GALNTL6: variants seen among roughly 807,000 people sequenced by gnomAD.
GALNTL6 encodes the protein polypeptide N-acetylgalactosaminyltransferase-like 6.
Under a neutral mutation model 73.7 loss-of-function variants are expected in GALNTL6, and 46 were observed. The observed-to-expected ratio is 0.62, with a 90% CI of 0.49 to 0.80. GALNTL6 has a LOEUF of 0.80. Ranked by LOEUF, GALNTL6 falls within the 30% of genes least tolerant of loss-of-function variation. The pLI is 0.00. For synonymous variants in GALNTL6, 259 were observed against 263.7 expected, an observed-to-expected ratio of 0.98 and a Z score of 0.17; for missense variants, 604 against 755.0, an observed-to-expected ratio of 0.80 and a Z score of 2.34.
At chr4:172,380,359 C>G in intron 5 of GALNTL6, 1 of 698,320 alleles carries the variant, frequency 1.4e-6, no homozygotes, top group Non-Finnish European at 2.7e-6. Flanking sequence ...AGTGGGAATC[C>G]CAGGGACTGG....
intron 2 of GALNTL6, among the ~76,000 whole-genome samples, chr4:172,081,507 G>C (rs780797115): frequency 6.6e-6 from 1 of 152,132 alleles, no homozygotes; most frequent in Non-Finnish European, 1.5e-5. Context: ...GCGTGGTAGC[G>C]CATGCCTGTA....
intron 2 of GALNTL6, among the ~76,000 whole-genome samples, chr4:171,988,822 G>C (rs1202838475): frequency 1.3e-5 from 2 of 152,082 alleles, no homozygotes; most frequent in Non-Finnish European, 2.9e-5. Context: ...AGGATGGTAA[G>C]GGGGGCATGA....
At chr4:172,764,477 T>C (rs1038757682) in intron 5 of GALNTL6, among the ~76,000 whole-genome samples, 2 of 151,918 alleles carry the variant, frequency 1.3e-5, no homozygotes, top group Non-Finnish European at 2.9e-5. Context: ...CAGTTATTTT[T>C]ATAATAAAAA....
intron 5 of GALNTL6, among the ~76,000 whole-genome samples, chr4:172,760,608 A>G (rs1258426477): frequency 6.6e-6 from 1 of 152,132 alleles, no homozygotes; most frequent in Non-Finnish European, 1.5e-5. Context: ...CAGAAATAAC[A>G]TGCCCTGGCC....
chr4:171,903,056 G>A (rs1457149419), intron 2 of GALNTL6, among the ~76,000 whole-genome samples: 1 of 152,138 alleles, frequency 6.6e-6, no homozygotes, highest in African/African-American at 2.4e-5. Flanking sequence ...TCAAATGGAA[G>A]CTCATATTCT....
In GALNTL6 at chr4:172,970,470, A is replaced by C. The variant is rs576116209; in HGVS notation, c.1371+18212A>C. Among the ~76,000 whole-genome samples, 20 of 152,266 alleles carry C rather than the reference A, an allele frequency of 1.3e-4. No individual in the cohort carries two copies. The South Asian group carries it at 3.9e-3, about 30-fold the overall frequency. The stretch of plus-strand genomic sequence containing the variant: ...AATGCAATTCTTTTCCTAGGGTCTT[A>C]ATATTTAATATTCCTTGCTAGGAGA... On this transcript the variant is annotated intron_variant, in intron 10 of 12. Coordinates refer to ENST00000506823, the MANE Select transcript of GALNTL6 (RefSeq NM_001034845.3).
At position 171,937,562 on chromosome 4, in the gene GALNTL6, C is replaced by T. The variant is rs1578988249; in HGVS notation, c.138+122844C>T. Among the ~76,000 whole-genome samples the T allele has an allele frequency of 2.0e-5, 3 of 152,170 alleles. No individual in the cohort carries two copies. The South Asian group carries it at 6.2e-4, about 32-fold the overall frequency. ...TGTTTCTAGGCCTTTATTCTGAAAA[C>T]TGGAGATTTCTGTGAAATCAAAAAT... On this transcript the variant is annotated intron_variant, in intron 2 of 12. Coordinates refer to ENST00000506823, the MANE Select transcript of GALNTL6 (RefSeq NM_001034845.3).
At chr4:172,012,033 TAA>T (rs1321868233) in intron 2 of GALNTL6, among the ~76,000 whole-genome samples, 2 of 152,010 alleles carry the variant, frequency 1.3e-5, no homozygotes, top group Non-Finnish European at 2.9e-5. Context: ...CAATAAAGAT[TAA>T]AAGAGTATGA....
chr4:172,329,410 G>C lies in GALNTL6; in HGVS notation c.386+17658G>C, dbSNP rs193015228. ...TTCCATAGGGCTGCTGCCATATGCT[G>C]GGTGTCCACTCTAGTCCCTAGTCAC... On this transcript the variant is annotated intron_variant, in intron 4 of 12. Coordinates refer to ENST00000506823, the MANE Select transcript of GALNTL6 (RefSeq NM_001034845.3). 7.9e-4 allele frequency among the ~76,000 whole-genome samples: 121 copies of C among 152,254 alleles called. 1 individual carries two copies. The South Asian group carries it at 0.015, about 19-fold the overall frequency.
chr4:172,713,222 A>ATGTGTGTGTGTGTGTGTG (rs61504713), intron 5 of GALNTL6, among the ~76,000 whole-genome samples: 3 of 139,238 alleles, frequency 2.2e-5, no homozygotes, highest in Admixed American at 7.4e-5. Context: ...AAAGAATAAG[A>ATGTGTGTGTGTGTGTGTG]TGTGTGTGTG....
At chr4:172,396,223 T>A (rs1743844365) in intron 5 of GALNTL6, among the ~76,000 whole-genome samples, 1 of 152,164 alleles carries the variant, frequency 6.6e-6, no homozygotes, top group Admixed American at 6.5e-5. Context: ...TTTAAAAGTG[T>A]CTGCCCTGAG....
chr4:172,754,061 G>T (rs987998551), intron 5 of GALNTL6, among the ~76,000 whole-genome samples: 1 of 152,130 alleles, frequency 6.6e-6, no homozygotes, highest in Non-Finnish European at 1.5e-5. Flanking sequence ...TTTACATAAG[G>T]ATTTAAATTT....
chr4:172,055,594 C>G (rs1406961622), intron 2 of GALNTL6, among the ~76,000 whole-genome samples: 2 of 152,020 alleles, frequency 1.3e-5, no homozygotes, highest in Non-Finnish European at 2.9e-5. Context: ...GGGTAGAAGT[C>G]CAGAGCAAAT....
chr4:173,025,507 C>G (rs1753195122), intron 12 of GALNTL6, among the ~76,000 whole-genome samples: 1 of 152,174 alleles, frequency 6.6e-6, no homozygotes, highest in African/African-American at 2.4e-5. Flanking sequence ...CTGGTTCAGT[C>G]TTCACATCTT....
At chr4:171,897,909 A>G (rs1369494393) in intron 2 of GALNTL6, among the ~76,000 whole-genome samples, 1 of 151,330 alleles carries the variant, frequency 6.6e-6, no homozygotes, top group African/African-American at 2.4e-5. Context: ...CCTGGGTGAC[A>G]GAGTGAGACT....
At chr4:172,238,696 C>G (rs549906485) in intron 3 of GALNTL6, among the ~76,000 whole-genome samples, 1 of 152,076 alleles carries the variant, frequency 6.6e-6, no homozygotes, top group Non-Finnish European at 1.5e-5. Flanking sequence ...AAGGGTGATG[C>G]TTCCAGCTTT....
chr4:172,477,178 C>G (rs1733268442), intron 5 of GALNTL6, among the ~76,000 whole-genome samples: 1 of 108,852 alleles, frequency 9.2e-6, no homozygotes, highest in South Asian at 4.7e-4. Flanking sequence ...TTAAAAGATA[C>G]ATGTGTAAAG....
At chr4:172,107,449 T>C (rs17058064) in intron 2 of GALNTL6, among the ~76,000 whole-genome samples, 61,488 of 151,600 alleles carry the variant, frequency 0.41, 13,021 homozygotes, top group African/African-American at 0.5. Context: ...ATAAAACTAA[T>C]TGGCTATTGG....
At chr4:172,295,014 T>C (rs1386077891) in intron 3 of GALNTL6, among the ~76,000 whole-genome samples, 2 of 152,204 alleles carry the variant, frequency 1.3e-5, no homozygotes, top group Admixed American at 1.3e-4. Flanking sequence ...ATATATAGAT[T>C]CAGCATGAAT....
Sources: allele counts gnomAD v4.1 joint callset (sites outside exome capture counted in the v4.1 genomes callset), GRCh38; gene constraint gnomAD v4.1.1; transcripts MANE v1.5; gene names NCBI Gene and HGNC (gene_info 2026-07-23, HGNC 2026-07-21).